Variants in PSAT1 observed in about 807,000 individuals in gnomAD.
PSAT1 encodes the protein phosphoserine aminotransferase 1, also known as phosphoserine aminotransferase.
PSAT1 carries 41 observed loss-of-function variants against 40.3 expected under a neutral mutation model. The ratio of observed to expected loss-of-function variants is 1.02; its 90% confidence interval spans 0.79 to 1.32. The LOEUF (loss-of-function observed/expected upper bound fraction) is 1.32. PSAT1 is among the 40% of genes most tolerant of loss of function. The pLI, the probability that PSAT1 is intolerant of heterozygous loss-of-function variation, is 0.00. For synonymous variants in PSAT1, 147 were observed against 170.5 expected, an observed-to-expected ratio of 0.86 and a Z score of 1.07; for missense variants, 406 against 455.8, an observed-to-expected ratio of 0.89 and a Z score of 0.99.
intron 6 of PSAT1, among the ~76,000 whole-genome samples, chr9:78,310,315 T>A (rs1162554860): frequency 6.6e-6 from 1 of 152,184 alleles, no homozygotes. Flanking sequence ...TGACTCTAGA[T>A]CCTGGGTATG....
Position 78,309,335 on chromosome 9 carries a change from A to G in PSAT1, c.740+752A>G, listed in dbSNP as rs187141486. Among the ~76,000 whole-genome samples, 29 of 152,328 alleles carry G rather than the reference A, an allele frequency of 1.9e-4. No homozygotes were observed. In the East Asian group the frequency reaches 5.0e-3, roughly 26 times the overall value. ...TGCGGGAAGCTGGCTGCCTGACAGA[A>G]CATACTGGCTTAAATACCTTTCTGG... On this transcript the variant is annotated intron_variant, in intron 6 of 8. Coordinates refer to ENST00000376588, the MANE Select transcript of PSAT1 (RefSeq NM_058179.4).
At position 78,304,730 on chromosome 9, in the gene PSAT1, C is replaced by T. The variant is rs1828155484; in HGVS notation, c.192-5C>T. The T allele has an allele frequency of 1.9e-6, 3 of 1,611,464 alleles. No homozygotes were observed. Among genetic ancestry groups the T allele is most frequent in the Non-Finnish European group, 1.7e-6 (2 of 1,177,552 alleles). ...GTATTGACTGTTACCTATGCTTCTG[C>T]CCAGAGCTGTTCCAGACAACTATAA... On this transcript the variant is annotated splice_region_variant and splice_polypyrimidine_tract_variant and intron_variant, in intron 3 of 8. Transcript: ENST00000376588.
chr9:78,299,211 G>GAAAA (rs34154867), intron 1 of PSAT1, among the ~76,000 whole-genome samples: 6,927 of 140,358 alleles, frequency 0.049, 426 homozygotes, highest in African/African-American at 0.13. Flanking sequence ...TCTTCAACTG[G>GAAAA]AAAAAAAAAA....
rs575709043 is a variant in PSAT1 at position 78,297,129 on chromosome 9, A to T, written c.-82A>T. The T allele has an allele frequency of 3.0e-5, 42 of 1,420,804 alleles. No homozygotes were observed. The East Asian group carries it at 9.1e-4, about 31-fold the overall frequency. The allele number at this position is 1,420,804 out of a possible 1,614,324, so 88.0% of individuals were successfully genotyped here. A position where few individuals can be genotyped will look rare whatever the true frequency, so the allele number is the denominator to read the frequency against. ...GGCGGGGGTTCGGGGCCGGCTGCAG[A>T]CTCTCACCGCAGCGGCCAGGAACGC... On this transcript the variant is annotated 5_prime_UTR_variant, in exon 1 of 9. Transcript: ENST00000376588.
intron 6 of PSAT1, among the ~76,000 whole-genome samples, chr9:78,316,157 A>G (rs551113569): frequency 1.3e-5 from 2 of 152,280 alleles, no homozygotes; most frequent in South Asian, 4.1e-4. Flanking sequence ...TCATATTTTC[A>G]GCTTAAGTTT....
intron 3 of PSAT1, among the ~76,000 whole-genome samples, chr9:78,302,719 G>T (rs1273144209): frequency 7.4e-6 from 1 of 135,304 alleles, no homozygotes; most frequent in Admixed American, 7.7e-5. Context: ...AGGTGACAAA[G>T]CGAGACTCCG....
intron 6 of PSAT1, among the ~76,000 whole-genome samples, chr9:78,309,767 C>T (rs1828240100): frequency 6.6e-6 from 1 of 152,190 alleles, no homozygotes; most frequent in Non-Finnish European, 1.5e-5. Flanking sequence ...GCAGGGTTGC[C>T]CTGCCTCAGG....
chr9:78,325,994 T>G (rs561546356), intron 7 of PSAT1, among the ~76,000 whole-genome samples: 146 of 152,314 alleles, frequency 9.6e-4, no homozygotes, highest in African/African-American at 3.3e-3. Flanking sequence ...ATTGGGAGCC[T>G]GAGGCAGTGG....
chr9:78,299,369 C>T (rs556584202), intron 1 of PSAT1, among the ~76,000 whole-genome samples: 4 of 152,086 alleles, frequency 2.6e-5, no homozygotes, highest in African/African-American at 9.6e-5. Flanking sequence ...AAAGATTATT[C>T]ACAGATGAAT....
chr9:78,299,604 C>A (rs1828078502), intron 1 of PSAT1, among the ~76,000 whole-genome samples: 1 of 148,496 alleles, frequency 6.7e-6, no homozygotes. Flanking sequence ...CCTCCGCCTC[C>A]CGGGTTCCAG....
intron 5 of PSAT1, among the ~76,000 whole-genome samples, chr9:78,308,123 A>G (rs375886606): frequency 1.3e-5 from 2 of 152,142 alleles, no homozygotes; most frequent in South Asian, 2.1e-4. Context: ...CTTTGGGGGT[A>G]GAAAGGAGGT....
Position 78,297,147 on chromosome 9 carries a change from AG to A in PSAT1, c.-62del. On this transcript the variant is annotated 5_prime_UTR_variant, in exon 1 of 9. Transcript: ENST00000376588. ...GCTGCAGACTCTCACCGCAGCGGCC[AG>A]GAACGCCAGCCGTTCACGCGTTCGG... 1.3e-6 allele frequency: 2 copies of A among 1,508,790 alleles called. No homozygotes were observed. The highest frequency in any genetic ancestry group is 1.8e-6 in the Non-Finnish European group (2 of 1,112,830). The allele number at this position is 1,508,790 out of a possible 1,614,324, so 93.5% of individuals were successfully genotyped here. A position where few individuals can be genotyped will look rare whatever the true frequency, so the allele number is the denominator to read the frequency against.
At chr9:78,317,296 A>AG (rs1338397799) in intron 6 of PSAT1, among the ~76,000 whole-genome samples, 1 of 152,102 alleles carries the variant, frequency 6.6e-6, no homozygotes, top group Non-Finnish European at 1.5e-5. Context: ...TCTGTCACCC[A>AG]GGCTAGAGTG....
At position 78,309,439 on chromosome 9, in the gene PSAT1, T is replaced by C. The variant is rs192827164; in HGVS notation, c.740+856T>C. On this transcript the variant is annotated intron_variant, in intron 6 of 8. Transcript: ENST00000376588. ...GTGCAGTGGCATGATCTCGGCTCAC[T>C]GCAACCTCCACCTCCCAGGTTCAAG... Among the ~76,000 whole-genome samples the C allele has an allele frequency of 7.3e-3, 1,113 of 152,308 alleles. 8 individuals carry two copies. Among genetic ancestry groups the C allele is most frequent in the African/African-American group, 0.026 (1,068 of 41,564 alleles).
At chr9:78,319,945 C>T (rs1216704950) in intron 7 of PSAT1, among the ~76,000 whole-genome samples, 3 of 151,340 alleles carry the variant, frequency 2.0e-5, no homozygotes, top group Non-Finnish European at 1.5e-5. Flanking sequence ...TCTACTCACC[C>T]ACCCATCCAC....
rs935978492 is a variant in PSAT1, at chr9:78,329,435, A to G, written c.*349A>G. The G allele has an allele frequency of 2.3e-5, 8 of 352,152 alleles. No individual in the cohort carries two copies. The highest frequency in any genetic ancestry group is 1.3e-4 in the African/African-American group (6 of 46,808). The allele number at this position is 352,152 out of a possible 1,614,324, so 21.8% of individuals were successfully genotyped here. A position where few individuals can be genotyped will look rare whatever the true frequency, so the allele number is the denominator to read the frequency against. On this transcript the variant is annotated 3_prime_UTR_variant, in exon 9 of 9. Transcript: ENST00000376588. ...GATTAATTATTTCTGGAGTCATGGGAACACACAGCACAGAGGGTAGGGGGG... is the reference window on the plus strand; with the variant it reads ...GATTAATTATTTCTGGAGTCATGGGGACACACAGCACAGAGGGTAGGGGGG...
At position 78,329,730 on chromosome 9, in the gene PSAT1, T is replaced by C. The variant is rs1828553677; in HGVS notation, c.*644T>C. ...TATCACTGATATATGTAGACACTTT[T>C]AGAATTTATTAAATCCTTGACCTTG... On this transcript the variant is annotated 3_prime_UTR_variant, in exon 9 of 9. Transcript: ENST00000376588. 2 of 152,400 alleles carry C rather than the reference T, an allele frequency of 1.3e-5. No individual in the cohort carries two copies. Among genetic ancestry groups the C allele is most frequent in the African/African-American group, 4.8e-5 (2 of 41,460 alleles). 9.4% of individuals were successfully genotyped at this position (152,400 alleles called of 1,614,324 possible).
chr9:78,309,178 G>A (rs1221820618), intron 6 of PSAT1, among the ~76,000 whole-genome samples: 1 of 152,130 alleles, frequency 6.6e-6, no homozygotes, highest in Non-Finnish European at 1.5e-5. Context: ...AGGATCCGGT[G>A]GTTCACCATT....
At chr9:78,299,410 CTA>C (rs1828074446) in intron 1 of PSAT1, among the ~76,000 whole-genome samples, 1 of 151,114 alleles carries the variant, frequency 6.6e-6, no homozygotes, top group African/African-American at 2.4e-5. Context: ...AAGATTCACT[CTA>C]TTTTATTTGA....
Sources: gnomAD v4.1 joint callset for allele counts (sites outside exome capture counted in the v4.1 genomes callset) on GRCh38, gnomAD v4.1.1 for gene constraint, MANE v1.5 for transcripts, NCBI Gene and HGNC (gene_info 2026-07-23, HGNC 2026-07-21) for gene names.